The following STYXL2 variants were observed in gnomAD, a reference collection of about 807,000 sequenced individuals.
STYXL2 encodes the protein serine/threonine/tyrosine interacting like 2.
A neutral mutation model predicts 52.4 loss-of-function variants in STYXL2; 44 were observed. The observed-to-expected ratio is 0.84, with a 90% CI of 0.66 to 1.08. The LOEUF is 1.08. Ranked by LOEUF, STYXL2 falls within the 50% of genes least tolerant of loss-of-function variation. The pLI, the probability that STYXL2 is intolerant of heterozygous loss-of-function variation, is 0.00. For synonymous variants in STYXL2, 604 were observed against 586.9 expected (o/e 1.03, Z -0.42); for missense variants, 1,604 against 1,471.7 (o/e 1.09, Z -1.47).
chr1:167,122,432 A>G (rs932211116), intron 5 of STYXL2, among the ~76,000 whole-genome samples: 1 of 152,052 alleles, frequency 6.6e-6, no homozygotes, highest in African/African-American at 2.4e-5. Flanking sequence ...AATTTGTCAG[A>G]TACTGGTCTT....
In STYXL2 at chr1:167,128,048, T is replaced by C; in HGVS notation, c.2917T>C (p.Ser973Pro). The change falls in exon 6 of 6, where the codon TCT (serine) becomes CCT (proline). Residue 973 changes from serine (S) to proline (P), a missense_variant. Physicochemically the swap from Ser to Pro is moderately conservative, Grantham distance 74. Coordinates refer to ENST00000361200, the MANE Select transcript of STYXL2 (RefSeq NM_001080426.3). ...ATCGTCCCTGCTCAGGGAGACAGAG[T>C]CTAAATCCTCCAGTTACAAGTTTTC... ...TRSSLLRETE[S>P]KSSSYKFSKS... 1 of 1,613,798 alleles carries C rather than the reference T, an allele frequency of 6.2e-7. No individual in the cohort carries two copies. Among genetic ancestry groups the C allele is most frequent in the Non-Finnish European group, 8.5e-7 (1 of 1,179,958 alleles).
At chr1:167,113,266 A>C (rs984149354) in intron 2 of STYXL2, among the ~76,000 whole-genome samples, 3 of 152,192 alleles carry the variant, frequency 2.0e-5, no homozygotes, top group Non-Finnish European at 4.4e-5. Context: ...CAAAGGGAAC[A>C]GAAAGAGTGG....
At chr1:167,112,831 A>G (rs1410156384) in intron 2 of STYXL2, among the ~76,000 whole-genome samples, 1 of 152,218 alleles carries the variant, frequency 6.6e-6, no homozygotes, top group East Asian at 1.9e-4. Context: ...GCACTCACAA[A>G]TGGTATCCAT....
intron 2 of STYXL2, among the ~76,000 whole-genome samples, chr1:167,106,772 G>A (rs1231131158): frequency 6.6e-6 from 1 of 152,048 alleles, no homozygotes; most frequent in Non-Finnish European, 1.5e-5. Flanking sequence ...CTACCATATT[G>A]GCATTATTTT....
In STYXL2 at chr1:167,119,424, A is replaced by G. The variant is rs1297254506; in HGVS notation, c.613A>G (p.Lys205Glu). Residue 205 changes from lysine to glutamate, a missense_variant, in exon 5 of 6, where the codon AAG (lysine) becomes GAG (glutamate). By Grantham distance (56) the Lys-to-Glu change is moderately conservative (BLOSUM62 1). Transcript: ENST00000361200. ...GGTGGACATTTCCCAGCATTTCCGG[A>G]AGGCGTCTGAGTTCCTGGATGAGGC... ...PEVDISQHFR[K>E]ASEFLDEALL... 6.2e-7 allele frequency: 1 copy of G among 1,614,198 alleles called. No individual in the cohort carries two copies. The highest frequency in any genetic ancestry group is 1.1e-5 in the South Asian group (1 of 91,086).
intron 2 of STYXL2, among the ~76,000 whole-genome samples, chr1:167,105,509 C>G (rs930269744): frequency 2.0e-5 from 3 of 152,084 alleles, no homozygotes; most frequent in African/African-American, 7.2e-5. Context: ...CTCAGGTATG[C>G]CAGTTGGGAC....
chr1:167,103,504 C>T (rs1667443297), intron 2 of STYXL2, among the ~76,000 whole-genome samples: 1 of 152,152 alleles, frequency 6.6e-6, no homozygotes. Context: ...CAAGTCTCAT[C>T]TGTAAATCTC....
In STYXL2 at chr1:167,117,657, G is replaced by T. The variant is rs76502020; in HGVS notation, c.437+98G>T. 765 of 1,135,626 alleles carry T rather than the reference G, an allele frequency of 6.7e-4. 7 individuals are homozygous for T. The African/African-American group carries it at 9.7e-3, about 14-fold the overall frequency. The allele number at this position is 1,135,626 out of a possible 1,614,324, so 70.3% of individuals were successfully genotyped here. A position where few individuals can be genotyped will look rare whatever the true frequency, so the allele number is the denominator to read the frequency against. On this transcript the variant is annotated intron_variant, in intron 4 of 5. Coordinates refer to ENST00000361200, the MANE Select transcript of STYXL2 (RefSeq NM_001080426.3). ...CAACTTTCACCAAAGGCGCCCATAGGTCCATCCAGCACAATGAGGCTGCCT... is the reference window on the plus strand; with the variant it reads ...CAACTTTCACCAAAGGCGCCCATAGTTCCATCCAGCACAATGAGGCTGCCT...
chr1:167,113,893 T>A, intron 3 of STYXL2, 89 bp downstream of exon 3: 1 of 987,332 alleles, frequency 1.0e-6, no homozygotes, highest in Non-Finnish European at 1.6e-6. Flanking sequence ...TCAATGTGCC[T>A]CTCAGGTGCT....
At chr1:167,104,323 TG>T (rs1399133084) in intron 2 of STYXL2, among the ~76,000 whole-genome samples, 1 of 152,160 alleles carries the variant, frequency 6.6e-6, no homozygotes, top group Non-Finnish European at 1.5e-5. Flanking sequence ...ATCCGTTCCT[TG>T]CTTTGGCTTT....
At position 167,115,101 on chromosome 1, in the gene STYXL2, T is replaced by G. The variant is rs552716419; in HGVS notation, c.205+1297T>G. Among the ~76,000 whole-genome samples, 4 of 152,366 alleles carry G rather than the reference T, an allele frequency of 2.6e-5. No individual in the cohort carries two copies. The South Asian group carries it at 8.3e-4, about 32-fold the overall frequency. Reference sequence around the variant, plus strand: ...TTTGAAAGCTTCACTTTCAAGTCTATAGAATGCTATGGACATTCAGTCTAG... The same window carrying G: ...TTTGAAAGCTTCACTTTCAAGTCTAGAGAATGCTATGGACATTCAGTCTAG... On this transcript the variant is annotated intron_variant, in intron 3 of 5. Transcript: ENST00000361200.
In STYXL2 at chr1:167,126,383, G is replaced by T. The variant is rs1043488724; in HGVS notation, c.1252G>T (p.Glu418Ter). The T allele has an allele frequency of 1.3e-6, 2 of 1,552,490 alleles. No homozygotes were observed. Among genetic ancestry groups the T allele is most frequent in the Admixed American group, 3.9e-5 (2 of 50,872 alleles). ...YRRWGREEEK[E>*]EESDAGSSVG... The stretch of plus-strand genomic sequence containing the variant: ...GAGGTGGGGAAGGGAGGAGGAGAAG[G>T]AGGAGGAGAGCGACGCTGGCTCCTC... Residue 418 changes from glutamate (E) to a stop codon, truncating the protein, a stop_gained, in exon 6 of 6, where the codon GAG becomes TAG. Coordinates refer to ENST00000361200, the MANE Select transcript of STYXL2 (RefSeq NM_001080426.3). LOFTEE classifies it low-confidence loss of function (END_TRUNC).
In STYXL2 at chr1:167,127,245, C is replaced by T. The variant is rs1426463551; in HGVS notation, c.2114C>T (p.Thr705Ile). ...IAGCSTSNPT[T>I]PLPNLPVGPG... ...GGGTGTTCAACCTCCAACCCCACCA[C>T]ACCCCTGCCTAACCTGCCAGTGGGG... Residue 705 changes from threonine (T) to isoleucine (I), a missense_variant, in exon 6 of 6, where the codon ACA becomes ATA. By Grantham distance (89) the Thr-to-Ile change is moderately conservative. Transcript: ENST00000361200. 3.1e-6 allele frequency: 5 copies of T among 1,614,112 alleles called. No individual in the cohort carries two copies. In the African/African-American group the frequency reaches 5.3e-5, roughly 17 times the overall value.
At position 167,127,016 on chromosome 1, in the gene STYXL2, C is replaced by A; in HGVS notation, c.1885C>A (p.Leu629Met). 6.2e-7 allele frequency: 1 copy of A among 1,606,390 alleles called. No homozygotes were observed. ...LAKKRQRRLE[L>M]LERSRQTLEE... is the part of the protein sequence containing the mutation. Reference sequence around the variant, plus strand: ...TAAGAAGAGACAACGGAGGCTGGAGCTGCTGGAGAGAAGCCGGCAGACGCT... The same window carrying A: ...TAAGAAGAGACAACGGAGGCTGGAGATGCTGGAGAGAAGCCGGCAGACGCT... The change falls in exon 6 of 6, where the codon CTG (leucine) becomes ATG (methionine). Residue 629 changes from leucine (L) to methionine (M), a missense_variant. Coordinates refer to ENST00000361200, the MANE Select transcript of STYXL2 (RefSeq NM_001080426.3).
At chr1:167,096,109 T>C (rs1483710354) in intron 2 of STYXL2, among the ~76,000 whole-genome samples, 1 of 151,948 alleles carries the variant, frequency 6.6e-6, no homozygotes, top group African/African-American at 2.4e-5. Flanking sequence ...AATACAAAAC[T>C]TAGCCAGGTG....
chr1:167,109,926 T>G (rs1667581584), intron 2 of STYXL2, among the ~76,000 whole-genome samples: 1 of 152,070 alleles, frequency 6.6e-6, no homozygotes, highest in East Asian at 1.9e-4. Flanking sequence ...AGAAAACGAG[T>G]GCAGTAAACA....
intron 2 of STYXL2, among the ~76,000 whole-genome samples, chr1:167,113,145 C>T (rs1300135886): frequency 1.3e-5 from 2 of 151,880 alleles, no homozygotes; most frequent in Non-Finnish European, 2.9e-5. Context: ...ATTTCATGTG[C>T]TCAGAATCAG....
chr1:167,098,839 A>G (rs1667344330), intron 2 of STYXL2, among the ~76,000 whole-genome samples: 2 of 152,218 alleles, frequency 1.3e-5, no homozygotes, highest in Admixed American at 1.3e-4. Flanking sequence ...CTAAATTCCA[A>G]GAGTTGCATC....
At chr1:167,111,298 C>T (rs1481403304) in intron 2 of STYXL2, among the ~76,000 whole-genome samples, 1 of 151,530 alleles carries the variant, frequency 6.6e-6, no homozygotes, top group African/African-American at 2.4e-5. Flanking sequence ...AAAAGTAGAT[C>T]TACCATTTGA....
Sources: gnomAD v4.1 joint callset for allele counts (sites outside exome capture counted in the v4.1 genomes callset) on GRCh38, gnomAD v4.1.1 for gene constraint, MANE v1.5 for transcripts, NCBI Gene and HGNC (gene_info 2026-07-23, HGNC 2026-07-21) for gene names.